The following TSPAN2 variants were observed in gnomAD, a reference collection of about 807,000 sequenced individuals.
TSPAN2 encodes the protein tetraspanin 2.
TSPAN2 carries 24 observed loss-of-function variants against 33.3 expected under a neutral mutation model. That is an observed-to-expected ratio of 0.72 (90% confidence interval 0.52 to 1.01). The LOEUF is 1.01. Ranked by LOEUF, TSPAN2 falls within the 50% of genes least tolerant of loss-of-function variation. The probability of loss-of-function intolerance (pLI) is 0.00; values close to 1 mark genes in which losing one functional copy is unlikely to be tolerated. For missense variants in TSPAN2, 278 were observed against 281.3 expected, an observed-to-expected ratio of 0.99 and a Z score of 0.08; for synonymous variants, 114 against 104.5, an observed-to-expected ratio of 1.09 and a Z score of -0.56.
intron 1 of TSPAN2, among the ~76,000 whole-genome samples, chr1:115,073,528 C>T (rs1648275122): frequency 6.6e-6 from 1 of 151,954 alleles, no homozygotes; most frequent in Admixed American, 6.6e-5. Flanking sequence ...CCCACCCACA[C>T]CTCGTGAGTG....
intron 6 of TSPAN2, among the ~76,000 whole-genome samples, chr1:115,054,244 T>C (rs777742786): frequency 1.8e-4 from 28 of 152,246 alleles, no homozygotes; most frequent in Non-Finnish European, 2.9e-4. Flanking sequence ...ATCTGTTCAC[T>C]TGTCACTGGT....
At chr1:115,070,426 A>T (rs1288359193) in intron 2 of TSPAN2, among the ~76,000 whole-genome samples, 2 of 144,548 alleles carry the variant, frequency 1.4e-5, no homozygotes, top group African/African-American at 5.2e-5. Context: ...CTTCTGCCAT[A>T]ATAATCTCTT....
chr1:115,068,847 A>G (rs1049652298), intron 2 of TSPAN2, among the ~76,000 whole-genome samples: 8 of 152,198 alleles, frequency 5.3e-5, no homozygotes, highest in Non-Finnish European at 1.0e-4. Context: ...GAAAAAAGGT[A>G]CCTGACTTCA....
Position 115,062,205 on chromosome 1 carries a change from G to A in TSPAN2, c.200C>T (p.Ala67Val). The A allele has an allele frequency of 1.3e-6, 2 of 1,596,546 alleles. No individual in the cohort carries two copies. Among genetic ancestry groups the A allele is most frequent in the Non-Finnish European group, 1.7e-6 (2 of 1,171,398 alleles). The change falls in exon 3 of 8, where the codon GCC (alanine) becomes GTC (valine). Residue 67 changes from alanine to valine, a missense_variant. Coordinates refer to ENST00000369516, the MANE Select transcript of TSPAN2 (RefSeq NM_005725.6). Reference sequence around the variant, plus strand: ...GAAGAACCCCACGGCCATCATCAGGGCCCCGGCTCCAACCAGAACATACAG... The same window carrying A: ...GAAGAACCCCACGGCCATCATCAGGACCCCGGCTCCAACCAGAACATACAG... ...VGLYVLVGAGALMMAVGFFGC... is the reference protein window; with the variant it reads ...VGLYVLVGAGVLMMAVGFFGC...
At position 115,076,808 on chromosome 1, in the gene TSPAN2, C is replaced by A. The variant is rs6681885; in HGVS notation, c.70-3801G>T. Among the ~76,000 whole-genome samples, 1,400 of 152,284 alleles carry A rather than the reference C, an allele frequency of 9.2e-3. 27 individuals are homozygous for A. Among genetic ancestry groups the A allele is most frequent in the African/African-American group, 0.032 (1,319 of 41,554 alleles). On this transcript the variant is annotated intron_variant, in intron 1 of 7. Transcript: ENST00000369516. ...TTCTGGGGCTCAAGGAGACGCTAATCCCCACTGGGTGGCCCAGGAGGGAAT... is the reference window on the plus strand; with the variant it reads ...TTCTGGGGCTCAAGGAGACGCTAATACCCACTGGGTGGCCCAGGAGGGAAT...
intron 2 of TSPAN2, among the ~76,000 whole-genome samples, chr1:115,066,716 A>G (rs1485550542): frequency 1.3e-5 from 2 of 152,150 alleles, no homozygotes; most frequent in Admixed American, 6.5e-5. Context: ...CCCTACATTT[A>G]TGTCCCTTCA....
At chr1:115,070,184 C>T (rs1467111611) in intron 2 of TSPAN2, among the ~76,000 whole-genome samples, 1 of 152,148 alleles carries the variant, frequency 6.6e-6, no homozygotes, top group Non-Finnish European at 1.5e-5. Flanking sequence ...TGAATTATTA[C>T]TGAGAGGCTT....
intron 1 of TSPAN2, 66 bp from the exon 2 acceptor site, chr1:115,073,073 G>C: frequency 7.2e-7 from 1 of 1,381,542 alleles, no homozygotes; most frequent in Admixed American, 1.7e-5. Flanking sequence ...CCGAGAGCAG[G>C]CTCTAGGCAC....
At chr1:115,085,846 G>T (rs12132759) in intron 1 of TSPAN2, among the ~76,000 whole-genome samples, 30,762 of 151,994 alleles carry the variant, frequency 0.2, 3,708 homozygotes, top group Non-Finnish European at 0.28. Flanking sequence ...GAAACTGGGG[G>T]AGAGGAAGGT....
At chr1:115,064,113 A>G (rs117116415) in intron 2 of TSPAN2, among the ~76,000 whole-genome samples, 1 of 152,202 alleles carries the variant, frequency 6.6e-6, no homozygotes, top group Non-Finnish European at 1.5e-5. Context: ...CACTTCCATC[A>G]TCTTATTGGC....
intron 1 of TSPAN2, among the ~76,000 whole-genome samples, chr1:115,077,950 C>T (rs1648480012): frequency 1.3e-5 from 2 of 152,326 alleles, no homozygotes; most frequent in Admixed American, 1.3e-4. Context: ...ACCTGCTATC[C>T]ACTTTCTAGT....
chr1:115,086,137 A>C (rs1648825810), intron 1 of TSPAN2, among the ~76,000 whole-genome samples: 1 of 152,208 alleles, frequency 6.6e-6, no homozygotes, highest in Non-Finnish European at 1.5e-5. Flanking sequence ...TGCCGATAAC[A>C]AAAATAATAA....
In TSPAN2 at chr1:115,072,962, C is replaced by G. The variant is rs147800870; in HGVS notation, c.115G>C (p.Gly39Arg). 255 of 1,614,180 alleles carry G rather than the reference C, an allele frequency of 1.6e-4. No homozygotes were observed. Among genetic ancestry groups the G allele is most frequent in the Admixed American group, 1.2e-3 (72 of 60,028 alleles). The change falls in exon 2 of 8, where the codon GGA (glycine) becomes CGA (arginine). Residue 39 changes from glycine to arginine, a missense_variant. Gly to Arg is a moderately radical substitution (Grantham distance 125). Transcript: ENST00000369516. ...GATGATAACTCCTTTATGGCACCTC[C>G]GAACCGAAACCATAGTCCAAAAGCA... Reference protein sequence around the residue: ...VIAFGLWFRFGGAIKELSSED... With the variant: ...VIAFGLWFRFRGAIKELSSED...
intron 1 of TSPAN2, among the ~76,000 whole-genome samples, chr1:115,079,168 C>T (rs1378579209): frequency 1.7e-5 from 2 of 118,376 alleles, no homozygotes; most frequent in African/African-American, 2.7e-5. Context: ...CACACACACA[C>T]GCGCATGCTG....
intron 4 of TSPAN2, 28 bp from the exon 5 acceptor site, chr1:115,059,009 A>G (rs1557877333): frequency 1.3e-6 from 2 of 1,564,318 alleles, no homozygotes; most frequent in Non-Finnish European, 8.8e-7. Flanking sequence ...AAAATGAAGG[A>G]CTTCTGGGTG....
At chr1:115,057,629 C>T in intron 5 of TSPAN2, 21 bp from the exon 6 acceptor site, 1 of 1,613,038 alleles carries the variant, frequency 6.2e-7, no homozygotes, top group Non-Finnish European at 8.5e-7. Context: ...AGAAAAGAGA[C>T]TTCAGGACCA....
intron 6 of TSPAN2, among the ~76,000 whole-genome samples, chr1:115,056,345 C>T (rs943507452): frequency 1.1e-4 from 16 of 152,164 alleles, no homozygotes; most frequent in Admixed American, 8.5e-4. Context: ...CCTCACATCT[C>T]GCTCTCTGAA....
intron 7 of TSPAN2, among the ~76,000 whole-genome samples, chr1:115,052,815 A>G (rs955151934): frequency 6.6e-6 from 1 of 152,236 alleles, no homozygotes; most frequent in Non-Finnish European, 1.5e-5. Flanking sequence ...AATTTGTAAT[A>G]CTACTGTATA....
At chr1:115,053,587 G>A (rs764724812) in intron 6 of TSPAN2, 125 bp from the exon 7 acceptor site, 25 of 778,288 alleles carry the variant, frequency 3.2e-5, no homozygotes, top group Non-Finnish European at 4.8e-5. Flanking sequence ...TTCTACTCAT[G>A]TTTCAACAAT....
Sources: gnomAD v4.1 joint callset for allele counts (sites outside exome capture counted in the v4.1 genomes callset) on GRCh38, gnomAD v4.1.1 for gene constraint, MANE v1.5 for transcripts, NCBI Gene and HGNC (gene_info 2026-07-23, HGNC 2026-07-21) for gene names.